LYPD6B: variants seen among roughly 807,000 people sequenced by gnomAD.
LYPD6B encodes ly6/PLAUR domain-containing protein 6B.
LYPD6B carries 17 observed loss-of-function variants against 22.8 expected under a neutral mutation model. That is an observed-to-expected ratio of 0.75 (90% CI 0.51 to 1.12). LYPD6B has a LOEUF of 1.12. Ranked by LOEUF, LYPD6B falls within the 50% of genes most tolerant of loss-of-function variation. The probability of loss-of-function intolerance (pLI) is 0.00; values close to 1 mark genes in which losing one functional copy is unlikely to be tolerated. For missense variants in LYPD6B, 221 were observed against 258.3 expected (o/e 0.86, Z 0.99); for synonymous variants, 106 against 91.6 (o/e 1.16, Z -0.90).
chr2:149,089,155 A>T (rs749583912), intron 1 of LYPD6B, among the ~76,000 whole-genome samples: 2 of 152,234 alleles, frequency 1.3e-5, no homozygotes, highest in Non-Finnish European at 2.9e-5. Flanking sequence ...TTATTTTTCA[A>T]TATTGAAAGA....
At chr2:149,204,191 T>C (rs1417102760) in intron 3 of LYPD6B, among the ~76,000 whole-genome samples, 2 of 152,196 alleles carry the variant, frequency 1.3e-5, no homozygotes, top group African/African-American at 4.8e-5. Flanking sequence ...CCTAAATATG[T>C]GGGCAGTGTA....
intron 1 of LYPD6B, among the ~76,000 whole-genome samples, chr2:149,117,899 G>A (rs1470904857): frequency 6.6e-6 from 1 of 152,152 alleles, no homozygotes; most frequent in Non-Finnish European, 1.5e-5. Flanking sequence ...TTCTGGATTA[G>A]GGTCTCTCAC....
intron 2 of LYPD6B, among the ~76,000 whole-genome samples, chr2:149,144,388 TTTTG>T (rs942599547): frequency 3.3e-5 from 5 of 152,072 alleles, no homozygotes; most frequent in Non-Finnish European, 5.9e-5. Flanking sequence ...TTTTGTTTGT[TTTTG>T]TTTGTTTGTT....
intron 3 of LYPD6B, among the ~76,000 whole-genome samples, chr2:149,189,342 T>TTATATATATATAATTATATATA (rs1553500264): frequency 9.1e-5 from 6 of 66,114 alleles, no homozygotes; most frequent in Non-Finnish European, 1.7e-4. Flanking sequence ...TTGTCCAAAA[T>TTATATATATATAATTATATATA]TATATATATA....
At chr2:149,144,636 C>T (rs2017673) in intron 2 of LYPD6B, among the ~76,000 whole-genome samples, 76,509 of 151,858 alleles carry the variant, frequency 0.5, 19,875 homozygotes, top group South Asian at 0.69. Context: ...AAGTCATCCG[C>T]CCACCTCAGC....
At chr2:149,206,753 A>G (rs1693531678) in intron 4 of LYPD6B, among the ~76,000 whole-genome samples, 1 of 152,068 alleles carries the variant, frequency 6.6e-6, no homozygotes, top group Non-Finnish European at 1.5e-5. Flanking sequence ...ATGTATGTGT[A>G]TTTACATATG....
In LYPD6B at chr2:149,095,207, A is replaced by G. The variant is rs537140534; in HGVS notation, c.-66-35676A>G. Reference sequence around the variant, plus strand: ...GCTACTCAGGAGGCTGAGGCGAGAGAATCGCTTGAACCCGGGAGGCAGAGG... The same window carrying G: ...GCTACTCAGGAGGCTGAGGCGAGAGGATCGCTTGAACCCGGGAGGCAGAGG... On this transcript the variant is annotated intron_variant, in intron 1 of 6. Transcript: ENST00000409642. Among the ~76,000 whole-genome samples, 4 of 152,314 alleles carry G rather than the reference A, an allele frequency of 2.6e-5. No homozygotes were observed. In the South Asian group the frequency reaches 6.2e-4, roughly 24 times the overall value.
intron 1 of LYPD6B, among the ~76,000 whole-genome samples, chr2:149,044,243 G>A (rs1458129353): frequency 6.6e-6 from 1 of 151,980 alleles, no homozygotes; most frequent in Non-Finnish European, 1.5e-5. Flanking sequence ...ACATTATTGA[G>A]TTTTCTAGTT....
chr2:149,185,626 G>T (rs1243769225), intron 3 of LYPD6B, among the ~76,000 whole-genome samples: 2 of 152,178 alleles, frequency 1.3e-5, no homozygotes, highest in African/African-American at 2.4e-5. Flanking sequence ...GAAGGAGGCT[G>T]ATTTGGAAAA....
At chr2:149,199,803 G>A (rs1693041308) in intron 3 of LYPD6B, among the ~76,000 whole-genome samples, 1 of 152,196 alleles carries the variant, frequency 6.6e-6, no homozygotes, top group Non-Finnish European at 1.5e-5. Flanking sequence ...TGAAGCCGTA[G>A]GAACTGGGTT....
chr2:149,187,524 T>C (rs1692196597), intron 3 of LYPD6B: 1 of 1,485,118 alleles, frequency 6.7e-7, no homozygotes. Context: ...AAAGTAAGAT[T>C]CCCTGCGAGC....
At chr2:149,113,135 G>T (rs1224330387) in intron 1 of LYPD6B, among the ~76,000 whole-genome samples, 1 of 152,106 alleles carries the variant, frequency 6.6e-6, no homozygotes, top group East Asian at 1.9e-4. Flanking sequence ...ATCCTTTAAG[G>T]TTTCATCTGC....
intron 1 of LYPD6B, among the ~76,000 whole-genome samples, chr2:149,051,205 G>T (rs568310684): frequency 9.3e-5 from 14 of 151,300 alleles, no homozygotes; most frequent in Admixed American, 9.2e-4. Flanking sequence ...TCGCTCTGTT[G>T]CCCAGGCTGG....
intron 3 of LYPD6B, among the ~76,000 whole-genome samples, chr2:149,204,112 A>C (rs979546860): frequency 6.6e-6 from 1 of 152,350 alleles, no homozygotes; most frequent in East Asian, 1.9e-4. Flanking sequence ...CAGAACTTTT[A>C]TGATGAGTTC....
intron 3 of LYPD6B, among the ~76,000 whole-genome samples, chr2:149,203,668 G>A (rs904702247): frequency 2.0e-5 from 3 of 152,208 alleles, no homozygotes; most frequent in African/African-American, 7.2e-5. Flanking sequence ...CTATAATGCA[G>A]TGTAGAAAGT....
intron 2 of LYPD6B, among the ~76,000 whole-genome samples, chr2:149,143,475 G>A (rs966586650): frequency 4.3e-5 from 6 of 139,310 alleles, no homozygotes; most frequent in Non-Finnish European, 9.2e-5. Flanking sequence ...CGTTTGAAAA[G>A]TTTAGAAATT....
chr2:149,069,511 C>T (rs532351919), intron 1 of LYPD6B, among the ~76,000 whole-genome samples: 2 of 152,232 alleles, frequency 1.3e-5, no homozygotes, highest in Admixed American at 1.3e-4. Flanking sequence ...ACCCCAAACC[C>T]TGCTGTGTCA....
At chr2:149,093,384 C>T (rs1243779462) in intron 1 of LYPD6B, among the ~76,000 whole-genome samples, 1 of 152,050 alleles carries the variant, frequency 6.6e-6, no homozygotes, top group Non-Finnish European at 1.5e-5. Flanking sequence ...TAAAGGGACC[C>T]CACAATAAAC....
At chr2:149,126,604 A>C (rs533974599) in intron 1 of LYPD6B, among the ~76,000 whole-genome samples, 1 of 152,284 alleles carries the variant, frequency 6.6e-6, no homozygotes, top group East Asian at 1.9e-4. Flanking sequence ...TGGGTCTTGC[A>C]TCTCAAGGGT....
Sources: allele counts gnomAD v4.1 joint callset (sites outside exome capture counted in the v4.1 genomes callset), GRCh38; gene constraint gnomAD v4.1.1; transcripts MANE v1.5; gene names NCBI Gene and HGNC (gene_info 2026-07-23, HGNC 2026-07-21).